MARCHF1: variants seen among roughly 807,000 people sequenced by gnomAD.
The protein encoded by MARCHF1 is E3 ubiquitin-protein ligase MARCHF1.
MARCHF1 carries 40 observed loss-of-function variants against 54.2 expected under a neutral mutation model. The ratio of observed to expected loss-of-function variants is 0.74; its 90% CI spans 0.57 to 0.96. MARCHF1 has a LOEUF of 0.96. Ranked by LOEUF, MARCHF1 falls within the 40% of genes least tolerant of loss-of-function variation. The pLI is 0.00. For missense variants in MARCHF1, 586 were observed against 656.5 expected, an observed-to-expected ratio of 0.89 and a Z score of 1.17; for synonymous variants, 236 against 236.3, an observed-to-expected ratio of 1.00 and a Z score of 0.01.
chr4:163,827,156 C>T lies in MARCHF1; in HGVS notation c.111+26865G>A, dbSNP rs186889676. ...AGGTAGCAATGTCTCCTTTTATCTTCGGCTGAAAATAAGATTTGTAGTGAT... is the reference window on the plus strand; with the variant it reads ...AGGTAGCAATGTCTCCTTTTATCTTTGGCTGAAAATAAGATTTGTAGTGAT... On this transcript the variant is annotated intron_variant, in intron 4 of 9. Coordinates refer to ENST00000514618, the MANE Select transcript of MARCHF1 (RefSeq NM_001394959.1). Among the ~76,000 whole-genome samples the T allele has an allele frequency of 6.6e-5, 10 of 151,402 alleles. No homozygotes were observed. In the East Asian group the frequency reaches 7.7e-4, roughly 12 times the overall value.
intron 1 of MARCHF1, among the ~76,000 whole-genome samples, chr4:164,231,452 G>A (rs1732411484): frequency 6.6e-6 from 1 of 152,014 alleles, no homozygotes; most frequent in Admixed American, 6.6e-5. Flanking sequence ...TCTGCAGTCT[G>A]GATCAAAACA....
At chr4:163,844,174 G>A (rs768235340) in intron 4 of MARCHF1, among the ~76,000 whole-genome samples, 4 of 152,012 alleles carry the variant, frequency 2.6e-5, no homozygotes, top group South Asian at 2.1e-4. Flanking sequence ...CCCGTTATAC[G>A]TCCCTGTGTT....
chr4:164,234,901 T>C (rs932416258), intron 1 of MARCHF1: 1 of 152,136 alleles, frequency 6.6e-6, no homozygotes, highest in Non-Finnish European at 1.5e-5. Flanking sequence ...CAGATTCTGA[T>C]AGTCTTTGTT....
At chr4:164,160,959 T>C (rs1442531542) in intron 1 of MARCHF1, among the ~76,000 whole-genome samples, 1 of 152,076 alleles carries the variant, frequency 6.6e-6, no homozygotes, top group Non-Finnish European at 1.5e-5. Context: ...ATGACAAAAA[T>C]CTAAGAATAA....
At chr4:164,062,145 G>C (rs1579502187) in intron 2 of MARCHF1, among the ~76,000 whole-genome samples, 1 of 152,258 alleles carries the variant, frequency 6.6e-6, no homozygotes, top group South Asian at 2.1e-4. Context: ...TTCCATCTCA[G>C]AGAATCACTT....
chr4:163,871,820 C>A (rs552721079), intron 3 of MARCHF1, among the ~76,000 whole-genome samples: 2 of 152,084 alleles, frequency 1.3e-5, no homozygotes, highest in Admixed American at 1.3e-4. Context: ...AATATTTGAT[C>A]CCAGGGATTC....
intron 2 of MARCHF1, among the ~76,000 whole-genome samples, chr4:164,088,778 A>G (rs1313344758): frequency 6.6e-6 from 1 of 152,130 alleles, no homozygotes; most frequent in Non-Finnish European, 1.5e-5. Flanking sequence ...AAGTAACCAA[A>G]TAAGTGAAAA....
intron 4 of MARCHF1, among the ~76,000 whole-genome samples, chr4:163,807,701 T>A (rs942430367): frequency 6.6e-6 from 1 of 152,096 alleles, no homozygotes; most frequent in African/African-American, 2.4e-5. Flanking sequence ...ATACTTCACA[T>A]ATAAAATTAT....
intron 2 of MARCHF1, among the ~76,000 whole-genome samples, chr4:164,086,378 A>G (rs1386591145): frequency 6.6e-6 from 1 of 152,006 alleles, no homozygotes; most frequent in Non-Finnish European, 1.5e-5. Flanking sequence ...CAAAAATATA[A>G]AACCATTTAT....
At chr4:164,091,329 G>A (rs927937220) in intron 2 of MARCHF1, among the ~76,000 whole-genome samples, 2 of 149,774 alleles carry the variant, frequency 1.3e-5, no homozygotes, top group East Asian at 1.9e-4. Flanking sequence ...CATAGTTAAG[G>A]TCATTTAAAA....
At chr4:163,586,127 A>G (rs1579086780) in intron 7 of MARCHF1, among the ~76,000 whole-genome samples, 198 bp from the exon 8 acceptor site, 1 of 152,226 alleles carries the variant, frequency 6.6e-6, no homozygotes, top group African/African-American at 2.4e-5. Flanking sequence ...TGAAAATCCT[A>G]AATCTGAAAT....
chr4:164,105,472 C>G lies in MARCHF1; in HGVS notation c.-248+6116G>C, dbSNP rs1326331949. ...CAGAAATAACGCTGCATATCTACAA[C>G]TATCTGATCTTTGACAAACCTGAGA... On this transcript the variant is annotated intron_variant, in intron 2 of 9. Coordinates refer to ENST00000514618, the MANE Select transcript of MARCHF1 (RefSeq NM_001394959.1). Among the ~76,000 whole-genome samples, 23 of 144,326 alleles carry G rather than the reference C, an allele frequency of 1.6e-4. No individual in the cohort carries two copies. The South Asian group carries it at 1.8e-3, about 11-fold the overall frequency. The allele number at this position is 144,326 out of a possible 152,430, so 94.7% of individuals were successfully genotyped here.
intron 4 of MARCHF1, among the ~76,000 whole-genome samples, chr4:163,730,530 C>A (rs1745795373): frequency 1.3e-5 from 2 of 151,988 alleles, no homozygotes; most frequent in Admixed American, 6.6e-5. Flanking sequence ...CCAATACTAC[C>A]TTTTACTCAA....
At chr4:163,607,148 T>G (rs1741171269) in intron 7 of MARCHF1, among the ~76,000 whole-genome samples, 1 of 152,110 alleles carries the variant, frequency 6.6e-6, no homozygotes, top group Admixed American at 6.6e-5. Context: ...GTATACTTTG[T>G]TTTACTGTTC....
At chr4:164,063,256 C>T (rs1401457862) in intron 2 of MARCHF1, among the ~76,000 whole-genome samples, 1 of 152,238 alleles carries the variant, frequency 6.6e-6, no homozygotes, top group Non-Finnish European at 1.5e-5. Context: ...GCTCTGAGTC[C>T]TGGCACGGAC....
At chr4:163,749,992 G>T (rs114694285) in intron 4 of MARCHF1, among the ~76,000 whole-genome samples, 1 of 151,514 alleles carries the variant, frequency 6.6e-6, no homozygotes, top group Non-Finnish European at 1.5e-5. Flanking sequence ...TTACTTGAAC[G>T]TGGGAGGCAA....
rs144023200 is a variant in MARCHF1, at chr4:163,631,640, C to T, written c.163-18247G>A. Among the ~76,000 whole-genome samples the T allele has an allele frequency of 9.6e-3, 1,457 of 152,146 alleles. 20 individuals are homozygous for T. Among genetic ancestry groups the T allele is most frequent in the African/African-American group, 0.033 (1,360 of 41,492 alleles). On this transcript the variant is annotated intron_variant, in intron 5 of 9. Coordinates refer to ENST00000514618, the MANE Select transcript of MARCHF1 (RefSeq NM_001394959.1). ...TAAGTTTCAGGGAATATACAACTTA[C>T]GTAAATATAAACAATACACAGATAC...
chr4:164,132,738 A>G (rs890092068), intron 1 of MARCHF1, among the ~76,000 whole-genome samples: 6 of 152,134 alleles, frequency 3.9e-5, no homozygotes, highest in African/African-American at 7.2e-5. Flanking sequence ...TTATCATTCC[A>G]TATAGCTTTA....
At chr4:163,836,009 A>G (rs1749170965) in intron 4 of MARCHF1, among the ~76,000 whole-genome samples, 1 of 152,012 alleles carries the variant, frequency 6.6e-6, no homozygotes, top group African/African-American at 2.4e-5. Context: ...AATGAACCGG[A>G]CTCAGCTTGG....
Sources: allele counts gnomAD v4.1 joint callset (sites outside exome capture counted in the v4.1 genomes callset), GRCh38; gene constraint gnomAD v4.1.1; transcripts MANE v1.5; gene names NCBI Gene and HGNC (gene_info 2026-07-23, HGNC 2026-07-21).